MYO5A: variants seen among roughly 807,000 people sequenced by gnomAD.
MYO5A encodes the protein myosin VA.
MYO5A carries 98 observed loss-of-function variants against 249.7 expected under a neutral mutation model. The ratio of observed to expected loss-of-function variants is 0.39; its 90% confidence interval spans 0.33 to 0.46. The LOEUF is 0.46. Ranked by LOEUF, MYO5A falls within the 20% of genes least tolerant of loss-of-function variation. The pLI is 0.98. For missense variants in MYO5A, 1,696 were observed against 2,308.8 expected (o/e 0.73, Z 5.44); for synonymous variants, 778 against 810.6 (o/e 0.96, Z 0.68).
At chr15:52,443,238 C>G (rs1273947812) in intron 1 of MYO5A, among the ~76,000 whole-genome samples, 2 of 152,056 alleles carry the variant, frequency 1.3e-5, no homozygotes, top group East Asian at 3.9e-4. Flanking sequence ...CCAATGAGCT[C>G]TGACAAGAGA....
chr15:52,321,639 G>C, intron 37 of MYO5A, 130 bp from the exon 38 acceptor site: 1 of 973,160 alleles, frequency 1.0e-6, no homozygotes, highest in Non-Finnish European at 1.6e-6. Context: ...CTAATGCCAG[G>C]ACTGACATTC....
rs1198605499 is a variant in MYO5A, at chr15:52,528,798, C to A, written c.9G>T (p.Ala3=). Residue 3 remains alanine (A), a synonymous_variant, in exon 1 of 42, where the codon GCG becomes GCT. Coordinates refer to ENST00000399233, the MANE Select transcript of MYO5A (RefSeq NM_001382347.1). The part of the protein sequence containing the change: MA[A]SELYTKFARV... ...GCCTTACCTTTGTGTAGAGCTCCGA[C>A]GCAGCCATGGCGGGCCCCGCGCGCC... 2 of 1,494,902 alleles carry A rather than the reference C, an allele frequency of 1.3e-6. No individual in the cohort carries two copies. The highest frequency in any genetic ancestry group is 1.8e-6 in the Non-Finnish European group (2 of 1,128,764). 92.6% of individuals were successfully genotyped at this position (1,494,902 alleles called of 1,614,324 possible). A position where few individuals can be genotyped will look rare whatever the true frequency, so the allele number is the denominator to read the frequency against.
At chr15:52,448,951 GTCTT>G (rs1567136621) in intron 1 of MYO5A, among the ~76,000 whole-genome samples, 2 of 64,052 alleles carry the variant, frequency 3.1e-5, no homozygotes, top group East Asian at 8.1e-4. Flanking sequence ...TTCTTTTCTT[GTCTT>G]TCTTTTTTTT....
chr15:52,524,541 G>A (rs541998427), intron 1 of MYO5A, among the ~76,000 whole-genome samples: 62 of 150,042 alleles, frequency 4.1e-4, no homozygotes, highest in African/African-American at 1.5e-3. Flanking sequence ...ACAACAGAGT[G>A]AGACCCTGAA....
At chr15:52,464,452 T>C (rs1375498299) in intron 1 of MYO5A, among the ~76,000 whole-genome samples, 1 of 152,206 alleles carries the variant, frequency 6.6e-6, no homozygotes, top group African/African-American at 2.4e-5. Context: ...TCTTCTGGTC[T>C]CAGTTTATAT....
chr15:52,354,157 G>T, intron 25 of MYO5A, 143 bp from the exon 26 acceptor site: 1 of 957,850 alleles, frequency 1.0e-6, no homozygotes. Context: ...TTTTTAAAAT[G>T]CTCAACCTAG....
chr15:52,334,287 G>C (rs2140969357), intron 34 of MYO5A, among the ~76,000 whole-genome samples: 1 of 152,232 alleles, frequency 6.6e-6, no homozygotes, highest in South Asian at 2.1e-4. Context: ...GGAATCATTA[G>C]GAGTTGAACA....
intron 1 of MYO5A, among the ~76,000 whole-genome samples, chr15:52,466,519 G>A (rs1470230840): frequency 1.3e-5 from 2 of 152,190 alleles, no homozygotes; most frequent in East Asian, 3.8e-4. Flanking sequence ...TGAGATGGGG[G>A]CATGAACCTT....
At chr15:52,525,756 T>C (rs1349711833) in intron 1 of MYO5A, among the ~76,000 whole-genome samples, 3 of 152,224 alleles carry the variant, frequency 2.0e-5, no homozygotes, top group Non-Finnish European at 4.4e-5. Context: ...ATTACAATAG[T>C]AGTTTTTATC....
chr15:52,335,609 A>G (rs921830865), intron 34 of MYO5A, among the ~76,000 whole-genome samples: 2 of 152,068 alleles, frequency 1.3e-5, no homozygotes, highest in Non-Finnish European at 2.9e-5. Flanking sequence ...ATAAACACAT[A>G]AACACACTAA....
intron 34 of MYO5A, chr15:52,331,777 C>T: frequency 1.0e-6 from 1 of 985,422 alleles, no homozygotes; most frequent in Non-Finnish European, 1.2e-6. Flanking sequence ...CACACTGGGA[C>T]TATCAGCGCT....
chr15:52,330,625 G>A (rs2038846106), intron 34 of MYO5A, 126 bp from the exon 35 acceptor site: 44 of 1,098,800 alleles, frequency 4.0e-5, no homozygotes, highest in South Asian at 3.3e-4. Flanking sequence ...CCACTTAATT[G>A]CCTTCTCTTA....
At chr15:52,408,277 T>C (rs1414054645) in intron 6 of MYO5A, 137 bp from the exon 7 acceptor site, 2 of 624,092 alleles carry the variant, frequency 3.2e-6, no homozygotes, top group East Asian at 5.6e-5. Flanking sequence ...CTAATACTTA[T>C]TTCTGATTAT....
At chr15:52,320,164 G>A (rs564860893) in intron 38 of MYO5A, among the ~76,000 whole-genome samples, 14 of 152,292 alleles carry the variant, frequency 9.2e-5, no homozygotes, top group South Asian at 4.1e-4. Context: ...CCCAGAATTC[G>A]TCTTCTCACC....
In MYO5A at chr15:52,370,270, G is replaced by T. The variant is rs758445094; in HGVS notation, c.2965C>A (p.Gln989Lys). The change falls in exon 22 of 42, where the codon CAG becomes AAG. Residue 989 changes from glutamine (Q) to lysine (K), a missense_variant. Gln to Lys is a moderately conservative substitution (Grantham distance 53). Transcript: ENST00000399233. ...KVATGRVLSL[Q>K]EEIAKLRKDL... ...TTCCGGAGCTTGGCAATTTCTTCCT[G>T]CAGACTAAGGACCCGCCCAGTGGCA... 1 of 1,614,088 alleles carries T rather than the reference G, an allele frequency of 6.2e-7. No individual in the cohort carries two copies. Among genetic ancestry groups the T allele is most frequent in the Non-Finnish European group, 8.5e-7 (1 of 1,179,974 alleles).
intron 1 of MYO5A, among the ~76,000 whole-genome samples, chr15:52,437,148 A>G (rs1045850331): frequency 6.6e-6 from 1 of 152,230 alleles, no homozygotes; most frequent in African/African-American, 2.4e-5. Context: ...AAACTGAGTA[A>G]TATCTGTACA....
chr15:52,427,407 A>C (rs2075420034), intron 3 of MYO5A, among the ~76,000 whole-genome samples: 1 of 152,140 alleles, frequency 6.6e-6, no homozygotes, highest in Non-Finnish European at 1.5e-5. Flanking sequence ...AATTGTAATA[A>C]GGAAAAGAAG....
chr15:52,366,823 T>C (rs1426317877), intron 23 of MYO5A, among the ~76,000 whole-genome samples: 1 of 152,180 alleles, frequency 6.6e-6, no homozygotes, highest in Non-Finnish European at 1.5e-5. Flanking sequence ...TACCTAGAGA[T>C]ACCAGATTTA....
At chr15:52,390,960 A>C (rs143982610) in intron 12 of MYO5A, among the ~76,000 whole-genome samples, 9 of 152,048 alleles carry the variant, frequency 5.9e-5, no homozygotes, top group African/African-American at 2.2e-4. Flanking sequence ...TGCATTATTT[A>C]TGGCTACTAG....
Sources: allele counts gnomAD v4.1 joint callset (sites outside exome capture counted in the v4.1 genomes callset), GRCh38; gene constraint gnomAD v4.1.1; transcripts MANE v1.5; gene names NCBI Gene and HGNC (gene_info 2026-07-23, HGNC 2026-07-21).